QTGAL: variants seen among roughly 807,000 people sequenced by gnomAD.
QTGAL encodes queuosine-tRNA galactosyltransferase.
chr17:83,039,105 C>G, the QTGAL span, among the ~76,000 whole-genome samples: 38 of 152,230 alleles, frequency 2.5e-4, no homozygotes, highest in African/African-American at 7.9e-4. Flanking sequence ...CTCCTGAGTG[C>G]CCGCTGCCCA....
the QTGAL span, among the ~76,000 whole-genome samples, chr17:83,009,077 A>G: frequency 1.3e-5 from 2 of 152,140 alleles, no homozygotes; most frequent in Non-Finnish European, 2.9e-5. Context: ...ACACAGAAGG[A>G]AACTCACACC....
the QTGAL span, among the ~76,000 whole-genome samples, chr17:82,987,483 T>C: frequency 2.6e-5 from 4 of 152,236 alleles, no homozygotes; most frequent in African/African-American, 9.6e-5. Context: ...AATGAGCAGA[T>C]GAACCGTATT....
the QTGAL span, among the ~76,000 whole-genome samples, chr17:82,974,814 C>G: frequency 6.6e-6 from 1 of 152,230 alleles, no homozygotes; most frequent in Non-Finnish European, 1.5e-5. Flanking sequence ...GAACCAGTGT[C>G]TGCACGGCGC....
At chr17:83,040,732 T>C in the QTGAL span, among the ~76,000 whole-genome samples, 1 of 152,208 alleles carries the variant, frequency 6.6e-6, no homozygotes, top group Non-Finnish European at 1.5e-5. Flanking sequence ...CATAAAAATA[T>C]TCTTGAGCAA....
chr17:82,972,469 CCA>C, the QTGAL span, among the ~76,000 whole-genome samples: 117 of 122,768 alleles, frequency 9.5e-4, 1 homozygote, highest in East Asian at 0.017. Context: ...CCACACCACA[CCA>C]CAGGGGCTAG....
the QTGAL span, among the ~76,000 whole-genome samples, chr17:83,002,324 G>A: frequency 1.0e-3 from 159 of 152,296 alleles, no homozygotes; most frequent in Non-Finnish European, 1.1e-3. Context: ...AACTCAACAT[G>A]TGTCCAGACT....
chr17:83,045,289 T>C, the QTGAL span, among the ~76,000 whole-genome samples: 3 of 152,216 alleles, frequency 2.0e-5, no homozygotes, highest in Non-Finnish European at 4.4e-5. Flanking sequence ...CATACGTTTA[T>C]GGTTAATGGA....
chr17:83,025,536 C>T, the QTGAL span, among the ~76,000 whole-genome samples: 9 of 25,504 alleles, frequency 3.5e-4, no homozygotes, highest in African/African-American at 8.7e-4. Context: ...CACACACACA[C>T]GGACACCGCG....
At chr17:83,013,350 C>T in the QTGAL span, among the ~76,000 whole-genome samples, 3 of 145,614 alleles carry the variant, frequency 2.1e-5, no homozygotes, top group Admixed American at 1.4e-4. Flanking sequence ...ACCCCCAGCA[C>T]CGCCCACCCC....
chr17:82,951,181 C>T, the QTGAL span, among the ~76,000 whole-genome samples: 2 of 152,236 alleles, frequency 1.3e-5, no homozygotes, highest in African/African-American at 4.8e-5. Flanking sequence ...TTCTCCCTAC[C>T]TATGAAAGGC....
the QTGAL span, chr17:82,956,837 G>A: frequency 2.0e-6 from 3 of 1,517,634 alleles, no homozygotes; most frequent in South Asian, 1.2e-5. This position sits in a 1 kb window ranked among gnomAD's most constrained non-coding sequence, Gnocchi z 5.7. Flanking sequence ...CGCCCTCAGG[G>A]TGCACGCAGC....
At chr17:83,023,614 A>G in the QTGAL span, among the ~76,000 whole-genome samples, 1 of 152,264 alleles carries the variant, frequency 6.6e-6, no homozygotes, top group Non-Finnish European at 1.5e-5. Context: ...GGAAAATAGC[A>G]TGATTCAGGA....
chr17:82,988,163 GC>G, the QTGAL span, among the ~76,000 whole-genome samples: 3 of 152,154 alleles, frequency 2.0e-5, no homozygotes, highest in African/African-American at 7.2e-5. Context: ...AGCTTAAGGA[GC>G]TTTTGGGCTA....
the QTGAL span, among the ~76,000 whole-genome samples, chr17:83,020,668 A>G: frequency 6.6e-5 from 10 of 152,324 alleles, no homozygotes; most frequent in South Asian, 1.7e-3. Context: ...GGTGATGGCC[A>G]TCCCGACCAT....
the QTGAL span, chr17:83,051,697 C>A: frequency 1.4e-6 from 2 of 1,451,236 alleles, no homozygotes; most frequent in South Asian, 1.4e-5. Context: ...ACGCGAGGAC[C>A]CAGCCTGCAC....
chr17:82,969,999 CTT>C, the QTGAL span, among the ~76,000 whole-genome samples: 1 of 152,120 alleles, frequency 6.6e-6, no homozygotes, highest in East Asian at 1.9e-4. Flanking sequence ...AAAAAAAAGT[CTT>C]TGCTACCACC....
the QTGAL span, among the ~76,000 whole-genome samples, chr17:82,968,921 G>A: frequency 6.6e-6 from 1 of 152,118 alleles, no homozygotes; most frequent in East Asian, 1.9e-4. Context: ...ATCACCTGAG[G>A]TCAGAAGTTT....
At chr17:82,977,065 C>T in the QTGAL span, among the ~76,000 whole-genome samples, 1 of 152,278 alleles carries the variant, frequency 6.6e-6, no homozygotes, top group Non-Finnish European at 1.5e-5. Flanking sequence ...ACCCGCAGTG[C>T]CCACCTCGAA....
the QTGAL span, among the ~76,000 whole-genome samples, chr17:82,971,022 G>A: frequency 3.3e-5 from 5 of 152,142 alleles, no homozygotes; most frequent in Admixed American, 2.6e-4. Flanking sequence ...GTCGTGGGGC[G>A]CAGTGCGTTC....
Sources: gnomAD v4.1 joint callset for allele counts (sites outside exome capture counted in the v4.1 genomes callset) on GRCh38, gnomAD v4.1.1 for gene constraint, Gnocchi (gnomAD v3.1) non-coding constraint, MANE v1.5 for transcripts, NCBI Gene and HGNC (gene_info 2026-07-23, HGNC 2026-07-21) for gene names.